Variants in RHOBTB1 observed in about 807,000 individuals in gnomAD.
RHOBTB1 encodes Rho related BTB domain containing 1, also known as rho-related BTB domain-containing protein 1.
A neutral mutation model predicts 71.6 loss-of-function variants in RHOBTB1; 40 were observed. The ratio of observed to expected loss-of-function variants is 0.56; its 90% CI spans 0.43 to 0.73. RHOBTB1 has a LOEUF of 0.73. Among genes scored for constraint, RHOBTB1 ranks in the 30% least tolerant of loss-of-function variants. RHOBTB1 has a pLI of 0.00. For synonymous variants in RHOBTB1, 319 were observed against 334.9 expected (o/e 0.95, Z 0.52); for missense variants, 797 against 894.0 (o/e 0.89, Z 1.38).
At chr10:60,961,134 G>A (rs908715367) in intron 2 of RHOBTB1, among the ~76,000 whole-genome samples, 1 of 152,088 alleles carries the variant, frequency 6.6e-6, no homozygotes. Flanking sequence ...CTTCCCAGGT[G>A]ACTTCAGTTG....
intron 2 of RHOBTB1, among the ~76,000 whole-genome samples, chr10:60,920,621 CTTT>C (rs66851123): frequency 1.5e-5 from 2 of 135,826 alleles, no homozygotes; most frequent in African/African-American, 5.3e-5. Flanking sequence ...TTCTGATTTG[CTTT>C]TTTTTTTTTT....
At chr10:60,967,858 T>C (rs1189179706) in intron 2 of RHOBTB1, among the ~76,000 whole-genome samples, 1 of 152,166 alleles carries the variant, frequency 6.6e-6, no homozygotes, top group Admixed American at 6.5e-5. Flanking sequence ...TATTACCCTT[T>C]CATTTGTGTT....
At chr10:60,920,638 A>AGTTTT (rs572223910) in intron 2 of RHOBTB1, among the ~76,000 whole-genome samples, 1,663 of 146,480 alleles carry the variant, frequency 0.011, 25 homozygotes, top group African/African-American at 0.021. Context: ...TTTTTTTTTA[A>AGTTTT]GTTTTGTTTT....
intron 4 of RHOBTB1, among the ~76,000 whole-genome samples, chr10:60,898,793 C>T (rs1048874457): frequency 1.3e-5 from 2 of 152,180 alleles, no homozygotes; most frequent in East Asian, 3.8e-4. Context: ...AAGCCCGTAT[C>T]TGCATGTTTA....
chr10:60,963,838 C>T (rs1285109949), intron 2 of RHOBTB1, among the ~76,000 whole-genome samples: 1 of 152,150 alleles, frequency 6.6e-6, no homozygotes, highest in Non-Finnish European at 1.5e-5. Flanking sequence ...CCAACGATAG[C>T]ATCTAATAAT....
chr10:60,898,877 T>C (rs912324976), intron 4 of RHOBTB1, among the ~76,000 whole-genome samples: 1 of 152,182 alleles, frequency 6.6e-6, no homozygotes, highest in Non-Finnish European at 1.5e-5. Flanking sequence ...TGCTCTTAAG[T>C]GCAGGGAAGT....
chr10:60,929,641 A>G (rs772932391), intron 2 of RHOBTB1, among the ~76,000 whole-genome samples: 3 of 152,206 alleles, frequency 2.0e-5, no homozygotes, highest in Non-Finnish European at 2.9e-5. Context: ...ATTATCTGCC[A>G]GAGATAATCT....
At chr10:60,939,514 C>T (rs902062942) in intron 2 of RHOBTB1, among the ~76,000 whole-genome samples, 3 of 152,162 alleles carry the variant, frequency 2.0e-5, no homozygotes, top group African/African-American at 7.2e-5. Context: ...GCTGCCCACA[C>T]ACTCGCCCAT....
the RHOBTB1 span, among the ~76,000 whole-genome samples, chr10:60,861,312 T>C: frequency 7.2e-5 from 11 of 152,290 alleles, no homozygotes; most frequent in East Asian, 1.9e-3. Context: ...TGTTCCGATA[T>C]TGGTCAAATG....
chr10:60,958,343 G>A (rs73266087), intron 2 of RHOBTB1, among the ~76,000 whole-genome samples: 3,052 of 152,198 alleles, frequency 0.02, 105 homozygotes, highest in African/African-American at 0.069. Context: ...TGAGCCAACC[G>A]TCTTGCAAAA....
At chr10:60,973,783 G>T (rs955411265) in intron 2 of RHOBTB1, among the ~76,000 whole-genome samples, 1 of 152,018 alleles carries the variant, frequency 6.6e-6, no homozygotes, top group South Asian at 2.1e-4. Flanking sequence ...TGGGCCATTT[G>T]GGGGCTGACT....
At chr10:60,966,516 A>T (rs2085964003) in intron 2 of RHOBTB1, among the ~76,000 whole-genome samples, 1 of 151,894 alleles carries the variant, frequency 6.6e-6, no homozygotes, top group Non-Finnish European at 1.5e-5. Context: ...ATTAAAAAAA[A>T]AAAAAGTTGG....
chr10:60,928,644 G>A (rs1411610922), intron 2 of RHOBTB1, among the ~76,000 whole-genome samples: 2 of 152,108 alleles, frequency 1.3e-5, no homozygotes, highest in African/African-American at 4.8e-5. Flanking sequence ...GGAAAGGGGA[G>A]TAGAAAGGGG....
chr10:60,882,496 C>G (rs182898447), intron 7 of RHOBTB1, among the ~76,000 whole-genome samples: 125 of 152,164 alleles, frequency 8.2e-4, no homozygotes, highest in South Asian at 3.7e-3. Context: ...ACAATGTTTT[C>G]CTGAATATTA....
chr10:60,901,586 C>G (rs1257445330), intron 4 of RHOBTB1, among the ~76,000 whole-genome samples: 1 of 152,162 alleles, frequency 6.6e-6, no homozygotes, highest in Non-Finnish European at 1.5e-5. Flanking sequence ...ATTTAACAGT[C>G]TCTTTCTTTT....
chr10:60,861,308 G>A, the RHOBTB1 span, among the ~76,000 whole-genome samples: 3,993 of 152,212 alleles, frequency 0.026, 77 homozygotes, highest in African/African-American at 0.045. Context: ...CATATGTTCC[G>A]ATATTGGTCA....
intron 4 of RHOBTB1, among the ~76,000 whole-genome samples, chr10:60,897,405 A>G (rs555487920): frequency 6.6e-6 from 1 of 152,344 alleles, no homozygotes; most frequent in South Asian, 2.1e-4. Flanking sequence ...CTGTCTTCTT[A>G]GTTTGACTTT....
chr10:60,888,585 G>T lies in RHOBTB1; in HGVS notation c.1083C>A (p.Ala361=), dbSNP rs766201965. The part of the protein sequence containing the change: ...KSLVEALGLE[A]EGAVPETQTL... ...TCTGTGTCTCAGGAACTGCACCCTC[G>T]GCTTCCAGCCCCAGAGCCTCCACCA... The change falls in exon 6 of 11, where the codon GCC becomes GCA. Residue 361 remains alanine, a synonymous_variant. Coordinates refer to ENST00000337910, the MANE Select transcript of RHOBTB1 (RefSeq NM_014836.5). 1.9e-6 allele frequency: 3 copies of T among 1,613,958 alleles called. No homozygotes were observed. In the African/African-American group the frequency reaches 4.0e-5, roughly 22 times the overall value.
At chr10:60,991,912 T>C (rs2086884741) in intron 1 of RHOBTB1, among the ~76,000 whole-genome samples, 2 of 152,208 alleles carry the variant, frequency 1.3e-5, no homozygotes, top group South Asian at 4.1e-4. Context: ...TTCATGTGTG[T>C]CATTCTTTTA....
Sources: allele counts gnomAD v4.1 joint callset (sites outside exome capture counted in the v4.1 genomes callset), GRCh38; gene constraint gnomAD v4.1.1; transcripts MANE v1.5; gene names NCBI Gene and HGNC (gene_info 2026-07-23, HGNC 2026-07-21).